NAALADL2: variants seen among roughly 807,000 people sequenced by gnomAD.
NAALADL2 encodes the protein N-acetylated alpha-linked acidic dipeptidase like 2.
In NAALADL2, 76 loss-of-function variants were observed where a neutral mutation model predicts 87.2. The ratio of observed to expected loss-of-function variants is 0.87; its 90% CI spans 0.72 to 1.05. The LOEUF is 1.05. Ranked by LOEUF, NAALADL2 falls within the 50% of genes least tolerant of loss-of-function variation. The probability of loss-of-function intolerance (pLI) is 0.00; values close to 1 mark genes in which losing one functional copy is unlikely to be tolerated. For synonymous variants in NAALADL2, 354 were observed against 331.0 expected (o/e 1.07, Z -0.75); for missense variants, 1,089 against 945.8 (o/e 1.15, Z -1.99).
chr3:175,447,399 A>G, intron 6 of NAALADL2, 27 bp downstream of exon 6: 1 of 1,488,566 alleles, frequency 6.7e-7, no homozygotes, highest in Non-Finnish European at 9.0e-7. Context: ...CGTTCTCTGT[A>G]TTTTACAGTT....
intron 2 of NAALADL2, among the ~76,000 whole-genome samples, chr3:174,706,363 A>T (rs1054591847): frequency 1.3e-5 from 2 of 152,232 alleles, no homozygotes; most frequent in Non-Finnish European, 2.9e-5. Context: ...GAAGGAAAAC[A>T]TAACAGTAGA....
At chr3:174,920,996 C>G (rs1235928391) in intron 1 of NAALADL2, among the ~76,000 whole-genome samples, 2 of 152,058 alleles carry the variant, frequency 1.3e-5, no homozygotes, top group African/African-American at 4.8e-5. Flanking sequence ...TGGTCATGGT[C>G]CATGGTGTCC....
At chr3:175,376,775 T>A (rs1441678732) in intron 5 of NAALADL2, among the ~76,000 whole-genome samples, 1 of 152,190 alleles carries the variant, frequency 6.6e-6, no homozygotes, top group African/African-American at 2.4e-5. Flanking sequence ...ATCCCACAGT[T>A]TACTGAGGCT....
chr3:175,564,672 A>G (rs1246400190), intron 9 of NAALADL2, among the ~76,000 whole-genome samples: 1 of 152,240 alleles, frequency 6.6e-6, no homozygotes, highest in African/African-American at 2.4e-5. Flanking sequence ...TCACTGAGAC[A>G]TAAAATCTAT....
chr3:174,956,715 A>G (rs952932331), intron 1 of NAALADL2, among the ~76,000 whole-genome samples: 1 of 151,996 alleles, frequency 6.6e-6, no homozygotes, highest in Non-Finnish European at 1.5e-5. Context: ...GAAGGGTGGA[A>G]TGGGGAGACA....
At chr3:174,614,989 C>T (rs1720311644) in intron 2 of NAALADL2, among the ~76,000 whole-genome samples, 1 of 152,102 alleles carries the variant, frequency 6.6e-6, no homozygotes, top group Non-Finnish European at 1.5e-5. Flanking sequence ...AACCTAAAAG[C>T]AGTAATTTTG....
chr3:175,395,112 A>C (rs982993292), intron 5 of NAALADL2, among the ~76,000 whole-genome samples: 4 of 152,092 alleles, frequency 2.6e-5, no homozygotes, highest in Admixed American at 6.6e-5. Flanking sequence ...CTGATGACTG[A>C]GATGGCTACT....
At chr3:174,705,781 T>G (rs1578616512) in intron 2 of NAALADL2, among the ~76,000 whole-genome samples, 1 of 42,460 alleles carries the variant, frequency 2.4e-5, no homozygotes, top group Non-Finnish European at 5.0e-5. Flanking sequence ...AGACTCCGTC[T>G]CAAAAAAAAA....
At chr3:175,095,309 A>G (rs377656983) in intron 1 of NAALADL2, among the ~76,000 whole-genome samples, 21 of 151,882 alleles carry the variant, frequency 1.4e-4, no homozygotes, top group Admixed American at 1.1e-3. Flanking sequence ...GACACTTTGC[A>G]TATTTTATCT....
chr3:175,747,520 C>T (rs1746083435), intron 12 of NAALADL2, among the ~76,000 whole-genome samples: 1 of 152,118 alleles, frequency 6.6e-6, no homozygotes, highest in South Asian at 2.1e-4. Flanking sequence ...ATGAGTGTTT[C>T]CTCACTGGCA....
At chr3:174,670,089 A>C (rs1726379383) in intron 2 of NAALADL2, among the ~76,000 whole-genome samples, 1 of 151,230 alleles carries the variant, frequency 6.6e-6, no homozygotes, top group Middle Eastern at 3.4e-3. Flanking sequence ...TCAATTTTGT[A>C]TCCTGCAACT....
intron 5 of NAALADL2, among the ~76,000 whole-genome samples, chr3:175,399,352 C>T (rs1176670118): frequency 2.6e-5 from 4 of 152,000 alleles, no homozygotes; most frequent in Admixed American, 6.6e-5. Flanking sequence ...CCTAACTTTC[C>T]GGGAATGCAG....
intron 11 of NAALADL2, among the ~76,000 whole-genome samples, chr3:175,652,598 C>T (rs1235136626): frequency 6.6e-6 from 1 of 151,538 alleles, no homozygotes; most frequent in Non-Finnish European, 1.5e-5. Flanking sequence ...CCTGCCTCAG[C>T]CTCCCGAGTA....
intron 1 of NAALADL2, chr3:174,864,224 A>T (rs1381923478): frequency 2.9e-6 from 1 of 341,248 alleles, no homozygotes; most frequent in Non-Finnish European, 5.7e-6. Flanking sequence ...GTAAAGCCTA[A>T]GAAATAGTTA....
intron 2 of NAALADL2, among the ~76,000 whole-genome samples, chr3:175,223,886 C>A (rs909460210): frequency 1.3e-5 from 2 of 152,090 alleles, no homozygotes; most frequent in African/African-American, 4.8e-5. Flanking sequence ...TCTGGAGGTA[C>A]TAGAGACTAT....
chr3:175,343,088 A>G (rs1762730839), intron 5 of NAALADL2, among the ~76,000 whole-genome samples: 1 of 152,116 alleles, frequency 6.6e-6, no homozygotes, highest in Non-Finnish European at 1.5e-5. Flanking sequence ...TCTTTCTCTC[A>G]ATAGTCTCAT....
At chr3:175,728,451 A>C (rs560816336) in intron 11 of NAALADL2, among the ~76,000 whole-genome samples, 1 of 152,138 alleles carries the variant, frequency 6.6e-6, no homozygotes, top group African/African-American at 2.4e-5. Context: ...CCTCTCCTCT[A>C]TGGATACTGC....
At chr3:174,550,243 A>G (rs529873888) in intron 1 of NAALADL2, among the ~76,000 whole-genome samples, 1 of 152,210 alleles carries the variant, frequency 6.6e-6, no homozygotes, top group East Asian at 1.9e-4. Context: ...AAAATAAAAA[A>G]GGTTTCCTAG....
At chr3:174,780,301 AG>A (rs1715786608) in intron 3 of NAALADL2, among the ~76,000 whole-genome samples, 2 of 152,162 alleles carry the variant, frequency 1.3e-5, no homozygotes, top group African/African-American at 4.8e-5. Flanking sequence ...ATTGGTGTAT[AG>A]CAAAGCTTGT....
Sources: gnomAD v4.1 joint callset for allele counts (sites outside exome capture counted in the v4.1 genomes callset) on GRCh38, gnomAD v4.1.1 for gene constraint, MANE v1.5 for transcripts, NCBI Gene and HGNC (gene_info 2026-07-23, HGNC 2026-07-21) for gene names.